The following SLC35F3 variants were observed in gnomAD, a reference collection of about 807,000 sequenced individuals.
The protein encoded by SLC35F3 is putative thiamine transporter SLC35F3.
A neutral mutation model predicts 49.9 loss-of-function variants in SLC35F3; 25 were observed. The ratio of observed to expected loss-of-function variants is 0.50; its 90% CI spans 0.37 to 0.70. The LOEUF (loss-of-function observed/expected upper bound fraction) is 0.70. SLC35F3 is among the 30% of genes least tolerant of loss of function. The pLI is 0.00. For synonymous variants in SLC35F3, 275 were observed against 265.4 expected (o/e 1.04, Z -0.35); for missense variants, 525 against 639.8 (o/e 0.82, Z 1.94).
intron 3 of SLC35F3, among the ~76,000 whole-genome samples, chr1:234,294,470 CT>C (rs1668560556): frequency 6.6e-6 from 1 of 152,210 alleles, no homozygotes; most frequent in Non-Finnish European, 1.5e-5. Context: ...TAGTTCTAGA[CT>C]CAGCCCTGCT....
chr1:233,980,562 TG>T (rs1364230625), intron 2 of SLC35F3, among the ~76,000 whole-genome samples: 1 of 152,238 alleles, frequency 6.6e-6, no homozygotes, highest in Non-Finnish European at 1.5e-5. Flanking sequence ...GCTCTTCTTC[TG>T]GCCCTCGTGG....
chr1:234,274,095 C>G (rs927548268), intron 3 of SLC35F3: 1 of 152,114 alleles, frequency 6.6e-6, no homozygotes, highest in African/African-American at 2.4e-5. Flanking sequence ...TTGGGGTTAG[C>G]GAAATGTTGA....
At chr1:233,943,354 A>G (rs1662462378) in intron 2 of SLC35F3, among the ~76,000 whole-genome samples, 1 of 152,264 alleles carries the variant, frequency 6.6e-6, no homozygotes, top group African/African-American at 2.4e-5. Context: ...CTAATTTTAA[A>G]GTAAGATTCC....
intron 2 of SLC35F3, among the ~76,000 whole-genome samples, chr1:234,082,139 C>T (rs746991429): frequency 8.8e-4 from 134 of 152,086 alleles, no homozygotes; most frequent in Non-Finnish European, 1.5e-3. Flanking sequence ...ATATACAAAA[C>T]AGATTCCATA....
At chr1:234,297,793 GT>G (rs1472795735) in intron 3 of SLC35F3, among the ~76,000 whole-genome samples, 59 of 152,128 alleles carry the variant, frequency 3.9e-4, no homozygotes, top group African/African-American at 1.3e-3. Flanking sequence ...GAGTATAATG[GT>G]GGTTGCCAAA....
At chr1:234,207,536 G>C (rs1030717352) in intron 2 of SLC35F3, among the ~76,000 whole-genome samples, 1 of 145,318 alleles carries the variant, frequency 6.9e-6, no homozygotes, top group Non-Finnish European at 1.5e-5. Flanking sequence ...AGTGACAATT[G>C]TAATACCTAG....
intron 2 of SLC35F3, among the ~76,000 whole-genome samples, chr1:234,123,623 G>T (rs546526714): frequency 6.3e-4 from 91 of 144,084 alleles, no homozygotes; most frequent in African/African-American, 2.2e-3. Flanking sequence ...TCGCTATGTT[G>T]CCCAGGCTAT....
intron 2 of SLC35F3, among the ~76,000 whole-genome samples, chr1:234,176,319 G>C (rs1239382372): frequency 2.6e-5 from 4 of 152,216 alleles, no homozygotes; most frequent in African/African-American, 7.2e-5. Flanking sequence ...GGGGAAAAGA[G>C]AAAGCTGCTC....
At chr1:234,139,659 G>A (rs909945453) in intron 2 of SLC35F3, among the ~76,000 whole-genome samples, 7 of 152,038 alleles carry the variant, frequency 4.6e-5, no homozygotes, top group Non-Finnish European at 8.8e-5. Flanking sequence ...TGTAAAATAA[G>A]GGTGACTTGG....
intron 3 of SLC35F3, among the ~76,000 whole-genome samples, chr1:234,304,797 T>G (rs1657095981): frequency 6.6e-6 from 1 of 152,154 alleles, no homozygotes; most frequent in African/African-American, 2.4e-5. Context: ...AAATTAAATG[T>G]AGGATACCAA....
At chr1:234,109,909 C>T (rs1665379788) in intron 2 of SLC35F3, among the ~76,000 whole-genome samples, 1 of 152,116 alleles carries the variant, frequency 6.6e-6, no homozygotes, top group Non-Finnish European at 1.5e-5. Flanking sequence ...GGCGAGATGC[C>T]ATGGCCAGGG....
At chr1:234,202,949 G>C (rs955047403) in intron 2 of SLC35F3, among the ~76,000 whole-genome samples, 1 of 152,148 alleles carries the variant, frequency 6.6e-6, no homozygotes, top group Non-Finnish European at 1.5e-5. Context: ...AGGGGCACCT[G>C]GGTGGAAGAG....
At chr1:234,194,581 C>G (rs969752121) in intron 2 of SLC35F3, among the ~76,000 whole-genome samples, 1 of 151,688 alleles carries the variant, frequency 6.6e-6, no homozygotes, top group Non-Finnish European at 1.5e-5. Flanking sequence ...ACCTGTTCCC[C>G]CTCAAACCTA....
chr1:233,924,235 G>T (rs1333406019), intron 2 of SLC35F3, among the ~76,000 whole-genome samples: 1 of 152,180 alleles, frequency 6.6e-6, no homozygotes, highest in Non-Finnish European at 1.5e-5. Context: ...GCTCCTCTTT[G>T]TACCTCTGGT....
intron 2 of SLC35F3, among the ~76,000 whole-genome samples, chr1:233,962,576 T>C (rs1245072970): frequency 2.6e-5 from 4 of 152,256 alleles, no homozygotes; most frequent in African/African-American, 9.6e-5. Context: ...TCTTTGGTAA[T>C]GTCTACAGAA....
chr1:234,160,983 C>T (rs761129460), intron 2 of SLC35F3, among the ~76,000 whole-genome samples: 1 of 152,190 alleles, frequency 6.6e-6, no homozygotes, highest in Non-Finnish European at 1.5e-5. Context: ...CTTCCTCCAT[C>T]TCTCTTGGAT....
intron 2 of SLC35F3, among the ~76,000 whole-genome samples, chr1:234,192,800 C>T (rs566899978): frequency 1.5e-4 from 23 of 152,228 alleles, no homozygotes; most frequent in African/African-American, 4.8e-4. Flanking sequence ...ACACCAACAG[C>T]GACCAAGTTG....
intron 2 of SLC35F3, among the ~76,000 whole-genome samples, chr1:234,053,021 G>A (rs1308179500): frequency 6.6e-6 from 1 of 152,130 alleles, no homozygotes; most frequent in Non-Finnish European, 1.5e-5. Flanking sequence ...TATAATTTCT[G>A]TTCTTTTACA....
In SLC35F3 at chr1:234,169,209, T is replaced by C. The variant is rs114958042; in HGVS notation, c.284-62208T>C. 7.4e-3 allele frequency among the ~76,000 whole-genome samples: 1,129 copies of C among 152,292 alleles called. 8 individuals carry two copies. Among genetic ancestry groups the C allele is most frequent in the Non-Finnish European group, 0.013 (916 of 68,028 alleles). ...GTGGATTGGAGGATGCCCACCCGCATTGGCAAGGGCAGATCTTCTTTACTC... is the reference window on the plus strand; with the variant it reads ...GTGGATTGGAGGATGCCCACCCGCACTGGCAAGGGCAGATCTTCTTTACTC... On this transcript the variant is annotated intron_variant, in intron 2 of 7. Coordinates refer to ENST00000366618, the MANE Select transcript of SLC35F3 (RefSeq NM_173508.4).
Sources: gnomAD v4.1 joint callset for allele counts (sites outside exome capture counted in the v4.1 genomes callset) on GRCh38, gnomAD v4.1.1 for gene constraint, MANE v1.5 for transcripts, NCBI Gene and HGNC (gene_info 2026-07-23, HGNC 2026-07-21) for gene names.